The following RNF38 variants were observed in gnomAD, a reference collection of about 807,000 sequenced individuals.
The protein encoded by RNF38 is ring finger protein 38.
A neutral mutation model predicts 67.2 loss-of-function variants in RNF38; 15 were observed. The ratio of observed to expected loss-of-function variants is 0.22; its 90% CI spans 0.15 to 0.34. RNF38 has a LOEUF of 0.34. Ranked by LOEUF, RNF38 falls within the 10% of genes least tolerant of loss-of-function variation. RNF38 has a pLI of 1.00. For synonymous variants in RNF38, 220 were observed against 218.8 expected (o/e 1.01, Z -0.05); for missense variants, 524 against 639.9 (o/e 0.82, Z 1.95).
intron 1 of RNF38, among the ~76,000 whole-genome samples, chr9:36,393,395 G>A (rs1190596882): frequency 6.6e-6 from 1 of 151,754 alleles, no homozygotes; most frequent in East Asian, 1.9e-4. Context: ...TTCAAAATAA[G>A]TCTGGGACAA....
At chr9:36,381,006 T>C (rs1836174063) in intron 2 of RNF38, among the ~76,000 whole-genome samples, 1 of 152,144 alleles carries the variant, frequency 6.6e-6, no homozygotes, top group African/African-American at 2.4e-5. Flanking sequence ...AAAAAGTCAT[T>C]CCAGTGGAAA....
chr9:36,343,356 G>C (rs1274164229), intron 10 of RNF38, among the ~76,000 whole-genome samples: 1 of 152,090 alleles, frequency 6.6e-6, no homozygotes, highest in South Asian at 2.1e-4. Flanking sequence ...CATTTTTGAA[G>C]ATAATTTATC....
At chr9:36,468,309 A>T (rs1839912875) in intron 1 of RNF38, among the ~76,000 whole-genome samples, 1 of 151,766 alleles carries the variant, frequency 6.6e-6, no homozygotes, top group Non-Finnish European at 1.5e-5. Context: ...GGAGACAGAG[A>T]TTACCAGAAC....
chr9:36,465,227 G>T (rs1161914095), intron 1 of RNF38, among the ~76,000 whole-genome samples: 2 of 152,336 alleles, frequency 1.3e-5, no homozygotes, highest in Admixed American at 6.5e-5. Flanking sequence ...TAAGCTTAGA[G>T]TTCCATTTGA....
chr9:36,479,407 A>C (rs1840197184), intron 1 of RNF38, among the ~76,000 whole-genome samples: 1 of 152,182 alleles, frequency 6.6e-6, no homozygotes, highest in African/African-American at 2.4e-5. Context: ...GTTTGTGGGA[A>C]TTTACTTGTA....
chr9:36,383,807 G>T (rs1016146438), intron 2 of RNF38, among the ~76,000 whole-genome samples: 16 of 145,766 alleles, frequency 1.1e-4, no homozygotes, highest in Non-Finnish European at 1.8e-4. Flanking sequence ...TACGTGCCAA[G>T]TTTTTTTTTT....
At chr9:36,465,622 G>C (rs1244484267) in intron 1 of RNF38, among the ~76,000 whole-genome samples, 5 of 152,100 alleles carry the variant, frequency 3.3e-5, no homozygotes, top group African/African-American at 4.8e-5. Flanking sequence ...TGAGATTACA[G>C]GCATCAGCCA....
At chr9:36,443,961 C>CA (rs1472838807) in intron 1 of RNF38, among the ~76,000 whole-genome samples, 2 of 152,194 alleles carry the variant, frequency 1.3e-5, no homozygotes, top group African/African-American at 4.8e-5. Context: ...CTGGAGCCAG[C>CA]ATGTTCCCCT....
At chr9:36,420,565 A>G (rs1233702886) in intron 2 of RNF38, among the ~76,000 whole-genome samples, 1 of 149,062 alleles carries the variant, frequency 6.7e-6, no homozygotes, top group African/African-American at 2.5e-5. Flanking sequence ...ACCTTCTCCC[A>G]GTACTTCTAT....
chr9:36,350,016 C>G (rs1833581686), intron 9 of RNF38, among the ~76,000 whole-genome samples: 1 of 152,090 alleles, frequency 6.6e-6, no homozygotes. Flanking sequence ...CGGGGTTTCA[C>G]CATGTTGGCC....
At chr9:36,423,199 G>A (rs1587110966) in intron 2 of RNF38, among the ~76,000 whole-genome samples, 1 of 152,114 alleles carries the variant, frequency 6.6e-6, no homozygotes, top group Non-Finnish European at 1.5e-5. Flanking sequence ...TCAGTGGCTT[G>A]CCTTTGAAAG....
intron 4 of RNF38, among the ~76,000 whole-genome samples, chr9:36,364,323 A>G (rs904775990): frequency 2.0e-5 from 3 of 152,186 alleles, no homozygotes; most frequent in African/African-American, 4.8e-5. Flanking sequence ...AATACAGTAT[A>G]TAATATACTA....
chr9:36,443,707 G>C (rs1190723497), intron 1 of RNF38, among the ~76,000 whole-genome samples: 1 of 152,122 alleles, frequency 6.6e-6, no homozygotes, highest in Non-Finnish European at 1.5e-5. Context: ...CTGAAAGGCA[G>C]GCATAACCAC....
chr9:36,429,667 A>T (rs1246341962), intron 1 of RNF38, among the ~76,000 whole-genome samples: 3 of 151,870 alleles, frequency 2.0e-5, no homozygotes, highest in Non-Finnish European at 4.4e-5. Context: ...GGTGGCGGGC[A>T]CCTGTAATCC....
At chr9:36,346,805 TC>T (rs1466234398) in intron 9 of RNF38, among the ~76,000 whole-genome samples, 4 of 152,242 alleles carry the variant, frequency 2.6e-5, no homozygotes, top group Middle Eastern at 3.4e-3. Flanking sequence ...CCCCAGCCCT[TC>T]TAAATGCTGG....
chr9:36,476,588 G>A (rs1285403320), intron 1 of RNF38, among the ~76,000 whole-genome samples: 1 of 143,696 alleles, frequency 7.0e-6, no homozygotes, highest in Non-Finnish European at 1.5e-5. Context: ...CGATGGCATG[G>A]TCTTGGCTCA....
At chr9:36,390,874 T>C (rs1053095214) in intron 1 of RNF38, among the ~76,000 whole-genome samples, 2 of 152,224 alleles carry the variant, frequency 1.3e-5, no homozygotes, top group Admixed American at 1.3e-4. Context: ...GTTTCCCAAA[T>C]ACCTATTGGT....
rs373703180 is a variant in RNF38 at position 36,374,245 on chromosome 9, C to T, written c.356+1689G>A. Among the ~76,000 whole-genome samples the T allele has an allele frequency of 3.9e-5, 6 of 152,220 alleles. No homozygotes were observed. In the East Asian group the frequency reaches 9.6e-4, roughly 24 times the overall value. ...CAGAGACAGGTTTATGTTCTTTCAG[C>T]TGGAACACAGAATGCTGGTTTTAAG... On this transcript the variant is annotated intron_variant, in intron 3 of 11. Transcript: ENST00000259605.
At chr9:36,466,313 C>G (rs1839861337) in intron 1 of RNF38, among the ~76,000 whole-genome samples, 1 of 152,096 alleles carries the variant, frequency 6.6e-6, no homozygotes, top group Admixed American at 6.6e-5. Context: ...TGAAAATGCT[C>G]TGGTATTAGA....
Sources: allele counts gnomAD v4.1 joint callset (sites outside exome capture counted in the v4.1 genomes callset), GRCh38; gene constraint gnomAD v4.1.1; transcripts MANE v1.5; gene names NCBI Gene and HGNC (gene_info 2026-07-23, HGNC 2026-07-21).